The following PPM1H variants were observed in gnomAD, a reference collection of about 807,000 sequenced individuals.
PPM1H encodes protein phosphatase 1H.
In PPM1H, 27 loss-of-function variants were observed where a neutral mutation model predicts 54.9. That is an observed-to-expected ratio of 0.49 (90% CI 0.36 to 0.68). The LOEUF (loss-of-function observed/expected upper bound fraction) is 0.68. Among genes scored for constraint, PPM1H ranks in the 30% least tolerant of loss-of-function variants. The probability of loss-of-function intolerance (pLI) is 0.00; values close to 1 mark genes in which losing one functional copy is unlikely to be tolerated. For missense variants in PPM1H, 596 were observed against 667.8 expected (o/e 0.89, Z 1.19); for synonymous variants, 305 against 270.8 (o/e 1.13, Z -1.24).
chr12:62,875,794 G>A (rs1870148171), intron 1 of PPM1H, among the ~76,000 whole-genome samples: 1 of 152,118 alleles, frequency 6.6e-6, no homozygotes, highest in African/African-American at 2.4e-5. Context: ...TCAACAACTT[G>A]GAAATTTTAT....
chr12:62,765,634 G>T (rs1303607952), intron 4 of PPM1H, among the ~76,000 whole-genome samples: 1 of 152,214 alleles, frequency 6.6e-6, no homozygotes, highest in Non-Finnish European at 1.5e-5. Context: ...AAGAGAGAGA[G>T]ACACCCAGTT....
At chr12:62,843,486 T>C (rs1868834650) in intron 1 of PPM1H, among the ~76,000 whole-genome samples, 1 of 152,236 alleles carries the variant, frequency 6.6e-6, no homozygotes, top group Non-Finnish European at 1.5e-5. Context: ...GGTGAGCCAT[T>C]CTGATATCTT....
At chr12:62,752,434 T>G (rs562679290) in intron 4 of PPM1H, among the ~76,000 whole-genome samples, 3 of 152,304 alleles carry the variant, frequency 2.0e-5, no homozygotes, top group East Asian at 3.9e-4. Context: ...AAATAAAAAT[T>G]TAACATTTTG....
intron 4 of PPM1H, among the ~76,000 whole-genome samples, chr12:62,778,032 C>G (rs11174645): frequency 0.16 from 24,076 of 152,030 alleles, 2,883 homozygotes; most frequent in African/African-American, 0.34. Flanking sequence ...TACTCAGAAA[C>G]CTCTTTCTTC....
chr12:62,854,082 A>G (rs906399848), intron 1 of PPM1H, among the ~76,000 whole-genome samples: 1 of 152,208 alleles, frequency 6.6e-6, no homozygotes, highest in Non-Finnish European at 1.5e-5. Context: ...TGAAAAAAAC[A>G]ACAAAAACCG....
chr12:62,687,841 T>G (rs972266545), intron 8 of PPM1H, among the ~76,000 whole-genome samples: 1 of 151,758 alleles, frequency 6.6e-6, no homozygotes, highest in Non-Finnish European at 1.5e-5. Flanking sequence ...AAACCCTGTC[T>G]CCACTAAAAA....
At chr12:62,760,319 C>T (rs1025854279) in intron 4 of PPM1H, among the ~76,000 whole-genome samples, 1 of 152,126 alleles carries the variant, frequency 6.6e-6, no homozygotes, top group East Asian at 1.9e-4. Context: ...CTTTCCCTCC[C>T]ACCTGTCCCT....
intron 8 of PPM1H, among the ~76,000 whole-genome samples, chr12:62,671,073 C>G (rs2075953836): frequency 6.6e-6 from 1 of 152,166 alleles, no homozygotes; most frequent in Non-Finnish European, 1.5e-5. Context: ...GAGTCCTGAC[C>G]TTCCCTCCCT....
intron 8 of PPM1H, among the ~76,000 whole-genome samples, chr12:62,686,688 G>C (rs113119408): frequency 6.6e-6 from 1 of 152,196 alleles, no homozygotes; most frequent in Admixed American, 6.5e-5. Flanking sequence ...ACTCAAGAGA[G>C]AACACTTGCA....
intron 3 of PPM1H, among the ~76,000 whole-genome samples, chr12:62,793,865 G>C (rs2641555): frequency 2.3e-3 from 344 of 151,600 alleles, no homozygotes; most frequent in Non-Finnish European, 3.4e-3. Context: ...AAGTCTCATA[G>C]ATGATGCAAC....
chr12:62,915,584 C>T (rs1197770346), intron 1 of PPM1H, among the ~76,000 whole-genome samples: 1 of 152,242 alleles, frequency 6.6e-6, no homozygotes, highest in East Asian at 1.9e-4. Context: ...GTCCCTCCCA[C>T]TTCCCCTTCA....
At chr12:62,839,845 C>T (rs1363571881) in intron 1 of PPM1H, among the ~76,000 whole-genome samples, 1 of 148,492 alleles carries the variant, frequency 6.7e-6, no homozygotes, top group Admixed American at 6.7e-5. Context: ...TGAGACCAGC[C>T]TGGTCAACAT....
intron 5 of PPM1H, among the ~76,000 whole-genome samples, chr12:62,724,176 TAC>T (rs2076277671): frequency 2.0e-5 from 3 of 152,340 alleles, no homozygotes; most frequent in South Asian, 4.1e-4. Flanking sequence ...TCCCTAAAAA[TAC>T]AGTTTGCCCT....
chr12:62,837,866 C>T (rs1415087361), intron 1 of PPM1H, among the ~76,000 whole-genome samples: 1 of 152,230 alleles, frequency 6.6e-6, no homozygotes, highest in Non-Finnish European at 1.5e-5. Flanking sequence ...CCATCAGCAT[C>T]CCTCTGCCTC....
At chr12:62,677,770 G>C (rs2075996194) in intron 8 of PPM1H, among the ~76,000 whole-genome samples, 2 of 152,330 alleles carry the variant, frequency 1.3e-5, no homozygotes, top group African/African-American at 4.8e-5. Context: ...ACCAGCCACA[G>C]TGGTTTCCGG....
chr12:62,922,276 T>C (rs1316385312), intron 1 of PPM1H, among the ~76,000 whole-genome samples: 1 of 152,128 alleles, frequency 6.6e-6, no homozygotes, highest in Non-Finnish European at 1.5e-5. Flanking sequence ...TAGTTTCCTT[T>C]GAGTTAATAA....
chr12:62,735,132 T>G (rs2076343793), intron 5 of PPM1H, among the ~76,000 whole-genome samples: 1 of 152,114 alleles, frequency 6.6e-6, no homozygotes, highest in Non-Finnish European at 1.5e-5. Flanking sequence ...CTGTGAAATG[T>G]TTGGGCGGAG....
intron 3 of PPM1H, among the ~76,000 whole-genome samples, 172 bp downstream of exon 3, chr12:62,801,644 C>CT (rs111812303): frequency 0.015 from 2,221 of 152,300 alleles, 66 homozygotes; most frequent in African/African-American, 0.051. Context: ...GCCAGGAACT[C>CT]TGTCTGCTGC....
At chr12:62,689,674 T>C (rs936177451) in intron 8 of PPM1H, 25 bp downstream of exon 8, 3 of 1,580,044 alleles carry the variant, frequency 1.9e-6, no homozygotes, top group Non-Finnish European at 2.6e-6. Context: ...TTGCACAAAA[T>C]ATAAACAAAA....
Sources: allele counts gnomAD v4.1 joint callset (sites outside exome capture counted in the v4.1 genomes callset), GRCh38; gene constraint gnomAD v4.1.1; transcripts MANE v1.5; gene names NCBI Gene and HGNC (gene_info 2026-07-23, HGNC 2026-07-21).